The following CNTNAP2 variants were observed in gnomAD, a reference collection of about 807,000 sequenced individuals.
CNTNAP2 encodes contactin-associated protein-like 2.
In CNTNAP2, 98 loss-of-function variants were observed where a neutral mutation model predicts 155.2. The observed-to-expected ratio is 0.63, with a 90% CI of 0.54 to 0.75. The LOEUF (loss-of-function observed/expected upper bound fraction) is 0.75. CNTNAP2 is among the 30% of genes least tolerant of loss of function. CNTNAP2 has a pLI of 0.00. For missense variants in CNTNAP2, 1,727 were observed against 1,688.1 expected, an observed-to-expected ratio of 1.02 and a Z score of -0.40; for synonymous variants, 651 against 631.2, an observed-to-expected ratio of 1.03 and a Z score of -0.47.
intron 18 of CNTNAP2, among the ~76,000 whole-genome samples, chr7:148,180,222 T>C (rs545724331): frequency 6.6e-6 from 1 of 152,328 alleles, no homozygotes; most frequent in East Asian, 1.9e-4. Context: ...GAGAAACTTT[T>C]CACAGGCTTC....
At chr7:148,405,870 TCA>T (rs1341269503) in intron 22 of CNTNAP2, among the ~76,000 whole-genome samples, 1 of 151,886 alleles carries the variant, frequency 6.6e-6, no homozygotes, top group Non-Finnish European at 1.5e-5. Flanking sequence ...TGCCTTGGAC[TCA>T]CCGTGCCTGG....
intron 9 of CNTNAP2, among the ~76,000 whole-genome samples, chr7:147,331,346 A>T (rs6972649): frequency 0.2 from 29,714 of 152,060 alleles, 3,159 homozygotes; most frequent in South Asian, 0.36. Flanking sequence ...GAAGGATGCA[A>T]ACATTTGGAA....
At chr7:146,893,597 A>G (rs997467582) in intron 3 of CNTNAP2, among the ~76,000 whole-genome samples, 2 of 152,132 alleles carry the variant, frequency 1.3e-5, no homozygotes, top group African/African-American at 4.8e-5. Flanking sequence ...GGTAGAATAG[A>G]TGACTGACTA....
chr7:147,212,187 G>A lies in CNTNAP2; in HGVS notation c.1348+79678G>A, dbSNP rs1296720706. On this transcript the variant is annotated intron_variant, in intron 8 of 23. Coordinates refer to ENST00000361727, the MANE Select transcript of CNTNAP2 (RefSeq NM_014141.6). ...GCCCATCCACCATGGAAAGCAGTTTGGAGATTTCTCAAAGAACTTAGAATT... is the reference window on the plus strand; with the variant it reads ...GCCCATCCACCATGGAAAGCAGTTTAGAGATTTCTCAAAGAACTTAGAATT... 2.6e-5 allele frequency among the ~76,000 whole-genome samples: 4 copies of A among 152,200 alleles called. No homozygotes were observed. In the East Asian group the frequency reaches 7.7e-4, roughly 29 times the overall value.
intron 10 of CNTNAP2, among the ~76,000 whole-genome samples, chr7:147,435,071 C>T (rs920866245): frequency 6.6e-6 from 1 of 152,130 alleles, no homozygotes; most frequent in African/African-American, 2.4e-5. Context: ...ATTCATACAA[C>T]ACAGAGATCT....
chr7:148,415,419 G>T lies in CNTNAP2; in HGVS notation c.3799G>T (p.Val1267Phe). ...CGTGCTTCTCCTTTCTCCGTCAGGC[G>T]TCATTGCTGTGGTGATTTTCACCAT... ...VNRNSAIIGGVIAVVIFTILC... is the reference protein window; with the variant it reads ...VNRNSAIIGGFIAVVIFTILC... Residue 1267 changes from valine to phenylalanine, a missense_variant and splice_region_variant, in exon 24 of 24, where the codon GTC (valine) becomes TTC (phenylalanine). Val to Phe is a conservative substitution (Grantham distance 50). Transcript: ENST00000361727. 3 of 1,613,516 alleles carry T rather than the reference G, an allele frequency of 1.9e-6. No individual in the cohort carries two copies. The highest frequency in any genetic ancestry group is 2.5e-6 in the Non-Finnish European group (3 of 1,180,040).
chr7:147,890,241 T>C (rs1229118095), intron 13 of CNTNAP2, among the ~76,000 whole-genome samples: 1 of 152,188 alleles, frequency 6.6e-6, no homozygotes, highest in African/African-American at 2.4e-5. Context: ...GACAGCATAA[T>C]TCAAAACTTG....
chr7:147,873,456 G>T (rs1217821534), intron 13 of CNTNAP2, among the ~76,000 whole-genome samples: 2 of 152,172 alleles, frequency 1.3e-5, no homozygotes, highest in Admixed American at 1.3e-4. Context: ...AGGCAAGAGA[G>T]CATGTGCAGA....
chr7:147,065,971 C>T (rs950735770), intron 4 of CNTNAP2, among the ~76,000 whole-genome samples: 10 of 151,876 alleles, frequency 6.6e-5, no homozygotes, highest in African/African-American at 2.4e-4. Context: ...GTCTCCTTTC[C>T]AAACTCTGAA....
intron 1 of CNTNAP2, among the ~76,000 whole-genome samples, chr7:146,278,871 C>T (rs1405109): frequency 0.49 from 74,123 of 151,928 alleles, 22,229 homozygotes; most frequent in South Asian, 0.7. Flanking sequence ...TAGATGAATG[C>T]CATCTTGTTA....
intron 8 of CNTNAP2, among the ~76,000 whole-genome samples, chr7:147,194,192 G>T (rs766981602): frequency 1.5e-4 from 23 of 151,150 alleles, no homozygotes; most frequent in African/African-American, 4.9e-4. Context: ...TTTGGTTTTT[G>T]GTTCCTGTGT....
rs545109055 is a variant in CNTNAP2 at position 147,499,968 on chromosome 7, G to C, written c.1777+13927G>C. 2.0e-5 allele frequency among the ~76,000 whole-genome samples: 3 copies of C among 152,040 alleles called. No individual in the cohort carries two copies. In the East Asian group the frequency reaches 5.8e-4, roughly 29 times the overall value. ...AATGCAGCTTAGAAGAAGTAGAAAT[G>C]TATCTATTTTTAAAGTAATCTTACT... On this transcript the variant is annotated intron_variant, in intron 11 of 23. Transcript: ENST00000361727.
At chr7:147,827,654 CT>C (rs1182335626) in intron 13 of CNTNAP2, among the ~76,000 whole-genome samples, 1 of 151,858 alleles carries the variant, frequency 6.6e-6, no homozygotes, top group Non-Finnish European at 1.5e-5. Flanking sequence ...GGGTTTTGAA[CT>C]TGCGGAATCT....
chr7:147,637,516 C>T (rs781524067), intron 12 of CNTNAP2, among the ~76,000 whole-genome samples: 16 of 152,074 alleles, frequency 1.1e-4, no homozygotes, highest in Non-Finnish European at 1.5e-4. Flanking sequence ...ATCTACAGCA[C>T]GCTCTCTCTT....
At chr7:147,045,522 T>A (rs1292021612) in intron 4 of CNTNAP2, among the ~76,000 whole-genome samples, 1 of 152,224 alleles carries the variant, frequency 6.6e-6, no homozygotes, top group African/African-American at 2.4e-5. Flanking sequence ...ACCATTTTAT[T>A]GTAGCAGATA....
chr7:146,128,162 A>G, intron 1 of CNTNAP2, among the ~76,000 whole-genome samples: 1 of 152,168 alleles, frequency 6.6e-6, no homozygotes, highest in Non-Finnish European at 1.5e-5. Flanking sequence ...CTGCATGAGC[A>G]GAGCCTGTAT....
intron 1 of CNTNAP2, among the ~76,000 whole-genome samples, chr7:146,761,186 T>G (rs1030892755): frequency 4.6e-5 from 7 of 151,996 alleles, no homozygotes; most frequent in African/African-American, 1.5e-4. Context: ...AACACAACCC[T>G]TACGTCCACC....
At chr7:147,230,515 C>G (rs1803656401) in intron 8 of CNTNAP2, among the ~76,000 whole-genome samples, 1 of 152,158 alleles carries the variant, frequency 6.6e-6, no homozygotes, top group South Asian at 2.1e-4. Flanking sequence ...TCTGAAAGAG[C>G]TGGGATTGCA....
At chr7:146,674,721 G>A (rs1234103363) in intron 1 of CNTNAP2, among the ~76,000 whole-genome samples, 2 of 152,164 alleles carry the variant, frequency 1.3e-5, no homozygotes, top group Non-Finnish European at 2.9e-5. Flanking sequence ...GTGATAAAGT[G>A]TGGGGAAGAG....
Sources: gnomAD v4.1 joint callset for allele counts (sites outside exome capture counted in the v4.1 genomes callset) on GRCh38, gnomAD v4.1.1 for gene constraint, MANE v1.5 for transcripts, NCBI Gene and HGNC (gene_info 2026-07-23, HGNC 2026-07-21) for gene names.